Variants in LTBP1 observed in about 807,000 individuals in gnomAD.
LTBP1 encodes the protein latent transforming growth factor beta binding protein 1, also known as latent-transforming growth factor beta-binding protein 1.
Under a neutral mutation model 207.6 loss-of-function variants are expected in LTBP1, and 129 were observed. The ratio of observed to expected loss-of-function variants is 0.62; its 90% CI spans 0.54 to 0.72. The LOEUF is 0.72. LTBP1 is among the 30% of genes least tolerant of loss of function. The pLI is 0.00. For synonymous variants in LTBP1, 963 were observed against 833.7 expected (o/e 1.16, Z -2.67); for missense variants, 2,281 against 2,217.2 (o/e 1.03, Z -0.58).
At chr2:33,097,121 G>T (rs949703136) in intron 3 of LTBP1, among the ~76,000 whole-genome samples, 7 of 152,138 alleles carry the variant, frequency 4.6e-5, no homozygotes, top group Admixed American at 1.3e-4. Flanking sequence ...TATAGATTCT[G>T]TAATCAAAAC....
At chr2:33,178,599 A>T (rs2086306735) in intron 5 of LTBP1, among the ~76,000 whole-genome samples, 1 of 152,208 alleles carries the variant, frequency 6.6e-6, no homozygotes, top group Non-Finnish European at 1.5e-5. Context: ...CATTTACTTT[A>T]ACATTAGCTT....
At chr2:33,142,354 G>A (rs189723758) in intron 5 of LTBP1, among the ~76,000 whole-genome samples, 54 of 152,074 alleles carry the variant, frequency 3.6e-4, no homozygotes, top group Non-Finnish European at 5.6e-4. Flanking sequence ...CTTGCCGCAC[G>A]GCCCTTTCTT....
intron 3 of LTBP1, among the ~76,000 whole-genome samples, chr2:33,046,231 TATG>T (rs2076435304): frequency 6.6e-6 from 1 of 152,216 alleles, no homozygotes; most frequent in East Asian, 1.9e-4. Context: ...GCCCATTCAG[TATG>T]ATATTGGCTG....
intron 32 of LTBP1, among the ~76,000 whole-genome samples, chr2:33,396,681 T>C (rs2095361144): frequency 6.6e-6 from 1 of 152,224 alleles, no homozygotes; most frequent in Non-Finnish European, 1.5e-5. Context: ...TCTCTGGTCT[T>C]ACAAACGCCG....
chr2:33,133,359 C>T (rs896946724), intron 4 of LTBP1, among the ~76,000 whole-genome samples: 2 of 152,116 alleles, frequency 1.3e-5, no homozygotes, highest in African/African-American at 4.8e-5. Flanking sequence ...AGCCTCTCTC[C>T]CCTTTGGCCA....
At chr2:33,110,544 A>G (rs2080344244) in intron 3 of LTBP1, 38 bp from the exon 4 acceptor site, 2 of 1,576,384 alleles carry the variant, frequency 1.3e-6, no homozygotes. Context: ...TTAAAAGCCC[A>G]TTATTTAATT....
intron 3 of LTBP1, among the ~76,000 whole-genome samples, chr2:33,060,229 T>G (rs2077198282): frequency 6.6e-6 from 1 of 152,110 alleles, no homozygotes; most frequent in South Asian, 2.1e-4. Context: ...ATTCCAAAAT[T>G]GTGTTAGAAG....
At chr2:33,238,208 A>G (rs2092142317) in intron 9 of LTBP1, among the ~76,000 whole-genome samples, 1 of 152,202 alleles carries the variant, frequency 6.6e-6, no homozygotes, top group South Asian at 2.1e-4. Flanking sequence ...ACACACACAG[A>G]TGAATCTCCA....
At chr2:33,373,967 A>G (rs1224969766) in intron 31 of LTBP1, among the ~76,000 whole-genome samples, 1 of 152,196 alleles carries the variant, frequency 6.6e-6, no homozygotes, top group Non-Finnish European at 1.5e-5. Flanking sequence ...TGCAAAAGTA[A>G]AGAATTTGGA....
chr2:33,242,912 A>G (rs1010337468), intron 9 of LTBP1, among the ~76,000 whole-genome samples: 1 of 152,086 alleles, frequency 6.6e-6, no homozygotes, highest in Non-Finnish European at 1.5e-5. Context: ...CCCTGTTCTC[A>G]ATGAAACTGA....
intron 5 of LTBP1, among the ~76,000 whole-genome samples, chr2:33,151,728 C>G (rs1196616620): frequency 6.6e-6 from 1 of 152,002 alleles, no homozygotes; most frequent in Non-Finnish European, 1.5e-5. Context: ...GTTTTCCATT[C>G]CTGCGTCACT....
At chr2:33,020,230 A>C (rs1340620147) in intron 2 of LTBP1, among the ~76,000 whole-genome samples, 1 of 152,092 alleles carries the variant, frequency 6.6e-6, no homozygotes. Context: ...TCGTATGTCA[A>C]AGAGTAGATT....
At chr2:33,343,619 CA>C (rs889217394) in intron 25 of LTBP1, among the ~76,000 whole-genome samples, 3 of 152,134 alleles carry the variant, frequency 2.0e-5, no homozygotes, top group Non-Finnish European at 2.9e-5. Context: ...TCCCCTTAGA[CA>C]GTGCGTTTAA....
intron 2 of LTBP1, among the ~76,000 whole-genome samples, chr2:32,979,803 G>A (rs543523931): frequency 1.2e-4 from 19 of 152,194 alleles, no homozygotes; most frequent in African/African-American, 4.6e-4. Context: ...CTATTATTTT[G>A]TTAGGGTCTA....
At chr2:33,370,677 C>G (rs1215640812) in intron 31 of LTBP1, among the ~76,000 whole-genome samples, 1 of 152,052 alleles carries the variant, frequency 6.6e-6, no homozygotes, top group Non-Finnish European at 1.5e-5. Flanking sequence ...TATACTGTTC[C>G]CGGATATCTT....
intron 5 of LTBP1, among the ~76,000 whole-genome samples, chr2:33,177,050 A>C (rs1451266004): frequency 5.3e-5 from 8 of 152,274 alleles, no homozygotes. Context: ...GGGGTAGAAA[A>C]ACATTAAATA....
At chr2:33,029,556 A>G (rs963450144) in intron 3 of LTBP1, among the ~76,000 whole-genome samples, 1 of 152,228 alleles carries the variant, frequency 6.6e-6, no homozygotes, top group African/African-American at 2.4e-5. Context: ...TTTCCCTTCC[A>G]ACTTTCCAGA....
At chr2:33,141,664 G>C (rs2082653604) in intron 5 of LTBP1, among the ~76,000 whole-genome samples, 1 of 152,160 alleles carries the variant, frequency 6.6e-6, no homozygotes. Flanking sequence ...GCTGTCTGAT[G>C]AGATAACATT....
intron 2 of LTBP1, among the ~76,000 whole-genome samples, chr2:32,959,576 T>C (rs1358938408): frequency 1.4e-5 from 2 of 140,472 alleles, no homozygotes; most frequent in African/African-American, 5.3e-5. Flanking sequence ...TGTGTGTATG[T>C]ATATGTATAT....
Sources: gnomAD v4.1 joint callset for allele counts (sites outside exome capture counted in the v4.1 genomes callset) on GRCh38, gnomAD v4.1.1 for gene constraint, MANE v1.5 for transcripts, NCBI Gene and HGNC (gene_info 2026-07-23, HGNC 2026-07-21) for gene names.